SUMF1: variants seen among roughly 807,000 people sequenced by gnomAD.
SUMF1 encodes sulfatase modifying factor 1.
A neutral mutation model predicts 47.6 loss-of-function variants in SUMF1; 48 were observed. The ratio of observed to expected loss-of-function variants is 1.01; its 90% CI spans 0.80 to 1.28. SUMF1 has a LOEUF of 1.28. SUMF1 is among the 50% of genes most tolerant of loss of function. The pLI, the probability that SUMF1 is intolerant of heterozygous loss-of-function variation, is 0.00. For missense variants in SUMF1, 571 were observed against 485.4 expected, an observed-to-expected ratio of 1.18 and a Z score of -1.66; for synonymous variants, 230 against 192.1, an observed-to-expected ratio of 1.20 and a Z score of -1.63.
At chr3:4,244,228 C>G (rs183371946) in intron 8 of SUMF1, among the ~76,000 whole-genome samples, 24 of 152,308 alleles carry the variant, frequency 1.6e-4, no homozygotes, top group African/African-American at 5.8e-4. Context: ...CAGTCTGTGT[C>G]TTTTAATTGG....
rs1274099002 is a variant in SUMF1 at position 4,159,307 on chromosome 3, G to GT, written c.1015-90563dup. On this transcript the variant is annotated intron_variant and NMD_transcript_variant, in intron 8 of 12. Coordinates refer to the SUMF1 transcript ENST00000448413. ...TTTATTTTTTGTGCATCCATTGCAT[G>GT]TTTTTTTTATTTGAGGTTACCATGA... Among the ~76,000 whole-genome samples, 56 of 145,502 alleles carry GT rather than the reference G, an allele frequency of 3.8e-4. 3 individuals are homozygous for GT. Among genetic ancestry groups the GT allele is most frequent in the African/African-American group, 1.2e-3 (47 of 38,788 alleles).
intron 8 of SUMF1, among the ~76,000 whole-genome samples, chr3:4,272,432 G>A (rs1026970873): frequency 4.6e-5 from 7 of 152,270 alleles, no homozygotes; most frequent in South Asian, 2.1e-4. Context: ...TCAACCAGCC[G>A]TTGGATACAG....
intron 8 of SUMF1, among the ~76,000 whole-genome samples, chr3:4,192,446 T>C (rs1329937037): frequency 6.6e-6 from 1 of 152,092 alleles, no homozygotes; most frequent in East Asian, 1.9e-4. Flanking sequence ...AAACATATAA[T>C]GTTTATATTT....
intron 3 of SUMF1, among the ~76,000 whole-genome samples, chr3:4,431,510 C>T (rs946208715): frequency 6.6e-6 from 1 of 152,238 alleles, no homozygotes; most frequent in African/African-American, 2.4e-5. Context: ...CCCCCATGTC[C>T]CCTCTCCACT....
intron 8 of SUMF1, among the ~76,000 whole-genome samples, chr3:4,108,545 G>T (rs1022921989): frequency 6.6e-6 from 1 of 151,984 alleles, no homozygotes; most frequent in East Asian, 1.9e-4. Context: ...CCATTACTAT[G>T]GTGTGGGAGT....
chr3:4,174,356 CAAAA>C (rs547741138), intron 8 of SUMF1, among the ~76,000 whole-genome samples: 22 of 112,466 alleles, frequency 2.0e-4, no homozygotes, highest in Middle Eastern at 4.9e-3. Flanking sequence ...ACTCCGTCTC[CAAAA>C]AAAAAAAAAA....
At chr3:4,372,280 C>G (rs1629917) in intron 8 of SUMF1, among the ~76,000 whole-genome samples, 58,747 of 151,926 alleles carry the variant, frequency 0.39, 14,249 homozygotes, top group African/African-American at 0.69. Context: ...CAGCCTGGGT[C>G]ACAGAGTAAG....
At chr3:4,245,008 C>T (rs376074926) in intron 8 of SUMF1, among the ~76,000 whole-genome samples, 18 of 151,920 alleles carry the variant, frequency 1.2e-4, no homozygotes, top group African/African-American at 4.3e-4. Flanking sequence ...CACTGATATC[C>T]TTTCTTCCGC....
At chr3:4,364,046 A>G (rs920580361) in intron 8 of SUMF1, among the ~76,000 whole-genome samples, 5 of 132,064 alleles carry the variant, frequency 3.8e-5, no homozygotes, top group African/African-American at 1.4e-4. Flanking sequence ...GCGTATATTG[A>G]ACCAGACTTG....
chr3:4,088,603 C>T (rs968232290), intron 8 of SUMF1, among the ~76,000 whole-genome samples: 2 of 152,024 alleles, frequency 1.3e-5, no homozygotes, highest in African/African-American at 4.8e-5. Context: ...ATTTCATTTA[C>T]TTATTTTCTA....
At chr3:4,334,382 A>G (rs1268540055) in intron 8 of SUMF1, among the ~76,000 whole-genome samples, 3 of 152,200 alleles carry the variant, frequency 2.0e-5, no homozygotes, top group Admixed American at 6.5e-5. Context: ...CCACAGACAC[A>G]TGAGATGTCT....
chr3:4,322,432 G>A (rs1258018077), intron 8 of SUMF1, among the ~76,000 whole-genome samples: 8 of 151,996 alleles, frequency 5.3e-5, no homozygotes, highest in African/African-American at 1.9e-4. Flanking sequence ...GGACCTTTCT[G>A]TATTATCTTC....
At chr3:4,310,714 G>C (rs953552262) in intron 8 of SUMF1, among the ~76,000 whole-genome samples, 13 of 152,020 alleles carry the variant, frequency 8.6e-5, no homozygotes, top group Non-Finnish European at 1.5e-4. Context: ...AAATAAAACT[G>C]TTTTTCACCT....
chr3:4,341,367 A>T (rs1222966095), intron 8 of SUMF1, among the ~76,000 whole-genome samples: 1 of 152,224 alleles, frequency 6.6e-6, no homozygotes, highest in Non-Finnish European at 1.5e-5. Context: ...ACCCTGGTAA[A>T]CTAAGGGCAT....
Position 4,207,944 on chromosome 3 carries a change from A to C in SUMF1, c.1015-139199T>G, listed in dbSNP as rs73120032. ...TTAAAAACTCCAGGGAGAATGAGTC[A>C]TAGGAGGCCCCCATGTTTTTATGAG... On this transcript the variant is annotated intron_variant and NMD_transcript_variant, in intron 8 of 12. Coordinates refer to the SUMF1 transcript ENST00000448413. 9.2e-3 allele frequency among the ~76,000 whole-genome samples: 1,406 copies of C among 152,240 alleles called. 23 individuals carry two copies. Among genetic ancestry groups the C allele is most frequent in the African/African-American group, 0.032 (1,336 of 41,544 alleles).
At chr3:4,410,279 CA>C (rs1202179327) in intron 7 of SUMF1, among the ~76,000 whole-genome samples, 5 of 152,194 alleles carry the variant, frequency 3.3e-5, no homozygotes, top group Admixed American at 2.6e-4. Flanking sequence ...ACATTTTTCA[CA>C]TGCCAGAATA....
At chr3:4,273,686 A>AGGGAGGGAGGATAT (rs1697348740) in intron 8 of SUMF1, among the ~76,000 whole-genome samples, 1 of 98,492 alleles carries the variant, frequency 1.0e-5, no homozygotes, top group Non-Finnish European at 2.0e-5. Context: ...GAAAGAAGGA[A>AGGGAGGGAGGATAT]GGGAGGGAGG....
At chr3:4,380,382 G>A (rs1700465720) in intron 7 of SUMF1, among the ~76,000 whole-genome samples, 1 of 152,162 alleles carries the variant, frequency 6.6e-6, no homozygotes, top group African/African-American at 2.4e-5. Flanking sequence ...GGATATACAT[G>A]GAGACAAAGA....
chr3:4,083,927 G>A (rs1383290478), intron 8 of SUMF1, among the ~76,000 whole-genome samples: 1 of 151,348 alleles, frequency 6.6e-6, no homozygotes, highest in Non-Finnish European at 1.5e-5. Context: ...TGGTCGGTTT[G>A]GGGATGCTTC....
Sources: allele counts gnomAD v4.1 joint callset (sites outside exome capture counted in the v4.1 genomes callset), GRCh38; gene constraint gnomAD v4.1.1; transcripts MANE v1.5; gene names NCBI Gene and HGNC (gene_info 2026-07-23, HGNC 2026-07-21).